Variants in NEGR1 observed in about 807,000 individuals in gnomAD.
NEGR1 encodes neuronal growth regulator 1.
Under a neutral mutation model 40.9 loss-of-function variants are expected in NEGR1, and 10 were observed. The ratio of observed to expected loss-of-function variants is 0.24; its 90% CI spans 0.15 to 0.42. The LOEUF (loss-of-function observed/expected upper bound fraction) is 0.42. NEGR1 is among the 10% of genes least tolerant of loss of function. The probability of loss-of-function intolerance (pLI) is 1.00; values close to 1 mark genes in which losing one functional copy is unlikely to be tolerated. For missense variants in NEGR1, 352 were observed against 438.9 expected, an observed-to-expected ratio of 0.80 and a Z score of 1.77; for synonymous variants, 185 against 166.8, an observed-to-expected ratio of 1.11 and a Z score of -0.84.
chr1:72,259,877 C>T (rs1478158009), intron 1 of NEGR1, among the ~76,000 whole-genome samples: 1 of 152,014 alleles, frequency 6.6e-6, no homozygotes. Flanking sequence ...TAATGCTCAC[C>T]TTTTCTTTTA....
chr1:71,774,799 A>C (rs888138798), intron 3 of NEGR1, among the ~76,000 whole-genome samples: 20 of 152,172 alleles, frequency 1.3e-4, no homozygotes, highest in African/African-American at 4.6e-4. Flanking sequence ...ATGTAGTTCA[A>C]AGTTAAATTT....
At chr1:71,466,473 A>T (rs1382465455) in intron 6 of NEGR1, among the ~76,000 whole-genome samples, 2 of 152,096 alleles carry the variant, frequency 1.3e-5, no homozygotes, top group Non-Finnish European at 2.9e-5. Context: ...ATAATAAATA[A>T]TTAAAATATG....
At chr1:71,448,243 AAAG>A (rs1178167568) in intron 6 of NEGR1, among the ~76,000 whole-genome samples, 1 of 151,568 alleles carries the variant, frequency 6.6e-6, no homozygotes, top group Non-Finnish European at 1.5e-5. Context: ...GAAAAAAAAA[AAAG>A]ACACAGAGAG....
At chr1:71,759,287 CTTTTTTTTTTTTTTTT>C in intron 3 of NEGR1, among the ~76,000 whole-genome samples, 1 of 85,220 alleles carries the variant, frequency 1.2e-5, no homozygotes, top group South Asian at 4.5e-4. Context: ...AAGATTATAA[CTTTTTTTTTTTTTTTT>C]TTTTTTTTTT....
At chr1:71,642,842 T>A (rs957760560) in intron 4 of NEGR1, among the ~76,000 whole-genome samples, 1 of 152,028 alleles carries the variant, frequency 6.6e-6, no homozygotes, top group Admixed American at 6.6e-5. Context: ...ATCTCCCTTA[T>A]CTTTTGTGGT....
intron 5 of NEGR1, among the ~76,000 whole-genome samples, chr1:71,603,922 T>A (rs1421644172): frequency 6.6e-6 from 1 of 152,204 alleles, no homozygotes; most frequent in African/African-American, 2.4e-5. Context: ...ATGTTGCTGA[T>A]CCCTGCTTTA....
chr1:72,144,820 A>G (rs1159651756), intron 1 of NEGR1, among the ~76,000 whole-genome samples: 1 of 152,034 alleles, frequency 6.6e-6, no homozygotes, highest in East Asian at 1.9e-4. Context: ...ACCCCCATGT[A>G]TCTTAAAACC....
intron 1 of NEGR1, among the ~76,000 whole-genome samples, chr1:72,117,293 TTTTG>T (rs142892388): frequency 0.062 from 9,455 of 151,842 alleles, 337 homozygotes; most frequent in African/African-American, 0.1. Context: ...GTTTATGCAT[TTTTG>T]TTTGTTTGTT....
At chr1:71,650,437 G>A (rs1267856853) in intron 4 of NEGR1, among the ~76,000 whole-genome samples, 2 of 152,126 alleles carry the variant, frequency 1.3e-5, no homozygotes, top group East Asian at 3.9e-4. Flanking sequence ...CTGAAAACTA[G>A]TAAGAACAAG....
intron 2 of NEGR1, among the ~76,000 whole-genome samples, chr1:71,861,516 A>T (rs1659946963): frequency 6.6e-6 from 1 of 152,008 alleles, no homozygotes; most frequent in South Asian, 2.1e-4. Context: ...CTTCAGACTT[A>T]TTTCTTTCTC....
chr1:71,876,809 T>C (rs1388187315), intron 2 of NEGR1, among the ~76,000 whole-genome samples: 1 of 152,114 alleles, frequency 6.6e-6, no homozygotes, highest in Non-Finnish European at 1.5e-5. Context: ...AATCATAATA[T>C]GTTCACTGAT....
At chr1:71,907,046 G>A (rs1046384219) in intron 2 of NEGR1, among the ~76,000 whole-genome samples, 1 of 152,146 alleles carries the variant, frequency 6.6e-6, no homozygotes, top group African/African-American at 2.4e-5. Flanking sequence ...TCTTAGCTCT[G>A]CTACAGTCAG....
intron 6 of NEGR1, among the ~76,000 whole-genome samples, chr1:71,425,785 C>G (rs898911780): frequency 2.4e-4 from 37 of 152,144 alleles, no homozygotes; most frequent in African/African-American, 8.2e-4. Context: ...AAATAGGAAC[C>G]ATGGCAAATT....
chr1:71,795,867 G>C (rs938662480), intron 2 of NEGR1, among the ~76,000 whole-genome samples: 2 of 152,068 alleles, frequency 1.3e-5, no homozygotes, highest in African/African-American at 2.4e-5. Context: ...CTTTAGGAAG[G>C]GAGCAGTGTT....
chr1:71,746,524 A>G (rs1206935665), intron 3 of NEGR1, among the ~76,000 whole-genome samples: 1 of 152,048 alleles, frequency 6.6e-6, no homozygotes, highest in Non-Finnish European at 1.5e-5. Flanking sequence ...ACTGCTCATT[A>G]TGTAAGTCCT....
At chr1:71,659,126 A>G (rs1160824703) in intron 4 of NEGR1, among the ~76,000 whole-genome samples, 1 of 152,178 alleles carries the variant, frequency 6.6e-6, no homozygotes, top group Non-Finnish European at 1.5e-5. Flanking sequence ...CTAGTCAAGT[A>G]CTTAACTTCT....
At chr1:71,911,064 C>T (rs1661410256) in intron 2 of NEGR1, among the ~76,000 whole-genome samples, 1 of 152,224 alleles carries the variant, frequency 6.6e-6, no homozygotes, top group East Asian at 1.9e-4. Context: ...TTGAGAACCA[C>T]CCTAGTGAGA....
chr1:71,973,135 T>C (rs1278988822), intron 1 of NEGR1, among the ~76,000 whole-genome samples: 7 of 152,006 alleles, frequency 4.6e-5, no homozygotes, highest in Admixed American at 3.3e-4. Flanking sequence ...GCTAACACGG[T>C]GAAACCCCGT....
chr1:72,016,926 T>C (rs949218499), intron 1 of NEGR1, among the ~76,000 whole-genome samples: 3 of 152,168 alleles, frequency 2.0e-5, no homozygotes, highest in Non-Finnish European at 4.4e-5. Flanking sequence ...TTGGCAACCT[T>C]TGAGCATGAT....
Sources: gnomAD v4.1 joint callset for allele counts (sites outside exome capture counted in the v4.1 genomes callset) on GRCh38, gnomAD v4.1.1 for gene constraint, MANE v1.5 for transcripts, NCBI Gene and HGNC (gene_info 2026-07-23, HGNC 2026-07-21) for gene names.